Variants in PREX1 observed in about 807,000 individuals in gnomAD.
PREX1 encodes phosphatidylinositol-3,4,5-trisphosphate dependent Rac exchange factor 1.
PREX1 carries 41 observed loss-of-function variants against 198.3 expected under a neutral mutation model. The observed-to-expected ratio is 0.21, with a 90% CI of 0.16 to 0.27. The LOEUF (loss-of-function observed/expected upper bound fraction) is 0.27, where lower values mean the gene tolerates loss of function less well. PREX1 is among the 10% of genes least tolerant of loss of function. The pLI is 1.00. For synonymous variants in PREX1, 843 were observed against 887.2 expected (o/e 0.95, Z 0.89); for missense variants, 1,620 against 2,200.7 (o/e 0.74, Z 5.28).
intron 5 of PREX1, among the ~76,000 whole-genome samples, chr20:48,723,489 A>G (rs189183950): frequency 4.3e-4 from 66 of 152,294 alleles, no homozygotes; most frequent in African/African-American, 1.6e-3. Flanking sequence ...GCGGGGAGCA[A>G]GGCATGGCCC....
chr20:48,774,488 A>G (rs2090251793), intron 1 of PREX1, among the ~76,000 whole-genome samples: 1 of 152,242 alleles, frequency 6.6e-6, no homozygotes, highest in East Asian at 1.9e-4. Context: ...AGACAGAGAT[A>G]GCTTCAAATC....
intron 15 of PREX1, among the ~76,000 whole-genome samples, chr20:48,665,166 A>T (rs2089628834): frequency 6.6e-6 from 1 of 150,910 alleles, no homozygotes; most frequent in Admixed American, 6.6e-5. Flanking sequence ...AGACGGCCTG[A>T]ATTATAATCC....
chr20:48,820,746 G>C (rs1292857510), intron 1 of PREX1, among the ~76,000 whole-genome samples: 2 of 152,160 alleles, frequency 1.3e-5, no homozygotes, highest in Non-Finnish European at 2.9e-5. Context: ...GGTAGGTAGA[G>C]GCCAGCGATG....
intron 1 of PREX1, among the ~76,000 whole-genome samples, chr20:48,794,987 A>G (rs1438514687): frequency 6.6e-6 from 1 of 152,168 alleles, no homozygotes. Flanking sequence ...CATGTCAACT[A>G]TTATTGCAAA....
intron 9 of PREX1, among the ~76,000 whole-genome samples, chr20:48,689,133 C>A (rs1428006609): frequency 6.6e-6 from 1 of 152,190 alleles, no homozygotes; most frequent in East Asian, 1.9e-4. Context: ...ATGCTGCCTC[C>A]CCAACCTGAG....
At chr20:48,809,806 C>T (rs1217012399) in intron 1 of PREX1, among the ~76,000 whole-genome samples, 1 of 152,166 alleles carries the variant, frequency 6.6e-6, no homozygotes, top group Non-Finnish European at 1.5e-5. Flanking sequence ...CTCCCAGGTT[C>T]TCCCAAAGGG....
At position 48,632,293 on chromosome 20, in the gene PREX1, A is replaced by G. The variant is rs771661630; in HGVS notation, c.4510T>C (p.Tyr1504His). The G allele has an allele frequency of 6.2e-7, 1 of 1,614,032 alleles. No individual in the cohort carries two copies. The highest frequency in any genetic ancestry group is 8.5e-7 in the Non-Finnish European group (1 of 1,180,006). The change falls in exon 35 of 40, where the codon TAT (tyrosine) becomes CAT (histidine). Residue 1504 changes from tyrosine to histidine, a missense_variant. This residue lies in a region of PREX1 where 476 missense variants were observed against 603.4 expected (regional missense o/e 0.79). Coordinates refer to ENST00000371941, the MANE Select transcript of PREX1 (RefSeq NM_020820.4). Reference protein sequence around the residue: ...NAQSLEKVQQYYRKLRAFYLE... With the variant: ...NAQSLEKVQQHYRKLRAFYLE... ...GGCGGATACCTGAGTTTGCGGTAAT[A>G]CTGCTGAACTTTCTCCAGGGACTGC...
intron 1 of PREX1, among the ~76,000 whole-genome samples, chr20:48,774,897 G>A (rs1434202213): frequency 6.6e-6 from 1 of 152,252 alleles, no homozygotes; most frequent in African/African-American, 2.4e-5. Context: ...ATGGGGCAAG[G>A]TGTTTTTCCA....
At position 48,639,801 on chromosome 20, in the gene PREX1, T is replaced by C; in HGVS notation, c.3869A>G (p.Lys1290Arg). 6.2e-7 allele frequency: 1 copy of C among 1,614,114 alleles called. No homozygotes were observed. The highest frequency in any genetic ancestry group is 8.5e-7 in the Non-Finnish European group (1 of 1,179,990). ...TCTCTGAATGTTGTCCACCAGGGTC[T>C]TGATGGAGTTGGGGAGGTTCCAGGG... ...EDPWNLPNSIKTLVDNIQRYV... is the reference protein window; with the variant it reads ...EDPWNLPNSIRTLVDNIQRYV... Residue 1290 changes from lysine (K) to arginine (R), a missense_variant, in exon 30 of 40, where the codon AAG (lysine) becomes AGG (arginine). Lys to Arg is a conservative substitution (Grantham distance 26). Around this residue, in one of 7 missense-constraint regions of PREX1, gnomAD observed 476 missense variants for 603.4 expected, o/e 0.79. Transcript: ENST00000371941.
the PREX1 span, among the ~76,000 whole-genome samples, chr20:48,862,135 A>G: frequency 6.6e-6 from 1 of 152,134 alleles, no homozygotes; most frequent in Non-Finnish European, 1.5e-5. Context: ...GCTTGAACCC[A>G]GGAGGCGAGG....
chr20:48,687,230 A>G (rs1174361610), intron 10 of PREX1, among the ~76,000 whole-genome samples: 1 of 152,166 alleles, frequency 6.6e-6, no homozygotes, highest in Non-Finnish European at 1.5e-5. Context: ...TTTTGCAACC[A>G]ACCAACAAGC....
At chr20:48,752,389 T>C (rs2090137791) in intron 1 of PREX1, among the ~76,000 whole-genome samples, 1 of 152,238 alleles carries the variant, frequency 6.6e-6, no homozygotes, top group Non-Finnish European at 1.5e-5. Flanking sequence ...CTTCCACATT[T>C]ACCCATGTTG....
At chr20:48,647,519 CAAAAA>C (rs765244255) in intron 25 of PREX1, among the ~76,000 whole-genome samples, 28 of 49,626 alleles carry the variant, frequency 5.6e-4, no homozygotes, top group Middle Eastern at 0.013. Context: ...GACAACATCT[CAAAAA>C]AAAAAAAAAA....
the PREX1 span, among the ~76,000 whole-genome samples, chr20:48,875,382 AAGG>A: frequency 2.4e-4 from 37 of 152,140 alleles, no homozygotes; most frequent in Non-Finnish European, 4.1e-4. Context: ...GTGAGGAGGA[AAGG>A]AGAAGGCTGA....
intron 1 of PREX1, among the ~76,000 whole-genome samples, chr20:48,784,406 G>A (rs1002214283): frequency 8.5e-5 from 13 of 152,088 alleles, no homozygotes; most frequent in Admixed American, 5.9e-4. Flanking sequence ...AGTTACTGAC[G>A]GGATAAAATT....
At position 48,649,981 on chromosome 20, in the gene PREX1, G is replaced by C; in HGVS notation, c.3028+15C>G. On this transcript the variant is annotated intron_variant, in intron 24 of 39. Transcript: ENST00000371941. ...CAACATCTGAACACAGTTTCTAATA[G>C]ACACACACAGGTACCTTGCTCCGGG... 6.2e-7 allele frequency: 1 copy of C among 1,612,054 alleles called. No homozygotes were observed. The highest frequency in any genetic ancestry group is 8.5e-7 in the Non-Finnish European group (1 of 1,178,372).
intron 1 of PREX1, among the ~76,000 whole-genome samples, chr20:48,805,099 C>T (rs2090405855): frequency 6.6e-6 from 1 of 152,124 alleles, no homozygotes; most frequent in African/African-American, 2.4e-5. Context: ...GAAATGGTCC[C>T]CATCTCCTTA....
intron 29 of PREX1, among the ~76,000 whole-genome samples, chr20:48,640,370 C>T (rs918099057): frequency 2.6e-5 from 4 of 152,242 alleles, no homozygotes; most frequent in African/African-American, 7.2e-5. Flanking sequence ...AGTGACAGCG[C>T]TGGGACTTAC....
chr20:48,665,708 T>C (rs1472830625), intron 15 of PREX1, among the ~76,000 whole-genome samples: 1 of 152,246 alleles, frequency 6.6e-6, no homozygotes, highest in Non-Finnish European at 1.5e-5. Flanking sequence ...GAACACTAAC[T>C]TTTGTTGTAA....
Sources: allele counts gnomAD v4.1 joint callset (sites outside exome capture counted in the v4.1 genomes callset), GRCh38; gene constraint gnomAD v4.1.1; regional missense constraint gnomAD v4.1.1; transcripts MANE v1.5; gene names NCBI Gene and HGNC (gene_info 2026-07-23, HGNC 2026-07-21).